APBB2: variants seen among roughly 807,000 people sequenced by gnomAD.
The protein encoded by APBB2 is amyloid beta precursor protein binding family B member 2.
Under a neutral mutation model 82.5 loss-of-function variants are expected in APBB2, and 38 were observed. The ratio of observed to expected loss-of-function variants is 0.46; its 90% confidence interval spans 0.36 to 0.60. APBB2 has a LOEUF of 0.60. Among genes scored for constraint, APBB2 ranks in the 20% least tolerant of loss-of-function variants. APBB2 has a pLI of 0.00. For synonymous variants in APBB2, 341 were observed against 368.2 expected (o/e 0.93, Z 0.85); for missense variants, 772 against 972.3 (o/e 0.79, Z 2.74).
chr4:41,187,025 G>A (rs1158555724), intron 1 of APBB2, among the ~76,000 whole-genome samples: 1 of 152,170 alleles, frequency 6.6e-6, no homozygotes, highest in Non-Finnish European at 1.5e-5. Flanking sequence ...TCATCAATAT[G>A]AGAATGCTAT....
At chr4:40,863,430 A>C (rs1763261178) in intron 12 of APBB2, among the ~76,000 whole-genome samples, 1 of 152,212 alleles carries the variant, frequency 6.6e-6, no homozygotes, top group African/African-American at 2.4e-5. Flanking sequence ...GTTCTGATTC[A>C]GTGGGTCTGG....
intron 6 of APBB2, among the ~76,000 whole-genome samples, chr4:40,978,151 G>T (rs1231297619): frequency 6.6e-6 from 1 of 152,232 alleles, no homozygotes; most frequent in Non-Finnish European, 1.5e-5. Context: ...AACTGTCAAA[G>T]ATGTGGTGCC....
Position 41,187,329 on chromosome 4 carries a change from T to C in APBB2, c.-417+27076A>G, listed in dbSNP as rs190130285. On this transcript the variant is annotated intron_variant, in intron 1 of 17. Transcript: ENST00000508593. ...CCTACTAAAAACCATGCCATTTTTA[T>C]AACATGAAAAAAGATAAGAGTCTTT... is the stretch of plus-strand genomic sequence containing the variant. 9.2e-5 allele frequency among the ~76,000 whole-genome samples: 14 copies of C among 152,272 alleles called. No individual in the cohort carries two copies. In the East Asian group the frequency reaches 2.7e-3, roughly 29 times the overall value.
chr4:41,002,803 T>C (rs1181194479), intron 6 of APBB2, among the ~76,000 whole-genome samples: 3 of 152,242 alleles, frequency 2.0e-5, no homozygotes, highest in Non-Finnish European at 4.4e-5. Flanking sequence ...TTCTTCAGTA[T>C]TGCTGTTTGT....
intron 1 of APBB2, among the ~76,000 whole-genome samples, chr4:41,159,372 C>T (rs1211390524): frequency 6.6e-6 from 1 of 152,106 alleles, no homozygotes; most frequent in African/African-American, 2.4e-5. Flanking sequence ...TTCTATGAAG[C>T]GCAAATAAGA....
intron 5 of APBB2, among the ~76,000 whole-genome samples, chr4:41,021,960 G>T (rs1711706789): frequency 6.6e-6 from 1 of 152,094 alleles, no homozygotes; most frequent in African/African-American, 2.4e-5. Context: ...CCTGAAGTCA[G>T]CGAGACCATG....
rs1745174036 is a variant in APBB2, at chr4:40,814,752, A to G, written c.*1340T>C. ...AATGTCAACGAGAGTCTAAATTTGT[A>G]TGTCTTTCCAGCTAAGTTTCTCACC... is the stretch of plus-strand genomic sequence containing the variant. On this transcript the variant is annotated 3_prime_UTR_variant, in exon 18 of 18. Coordinates refer to ENST00000508593, the MANE Select transcript of APBB2 (RefSeq NM_004307.2). 1.3e-5 allele frequency: 2 copies of G among 152,208 alleles called. No individual in the cohort carries two copies. The highest frequency in any genetic ancestry group is 2.9e-5 in the Non-Finnish European group (2 of 68,040). The allele number at this position is 152,208 out of a possible 1,614,324, so 9.4% of individuals were successfully genotyped here. A position where few individuals can be genotyped will look rare whatever the true frequency, so the allele number is the denominator to read the frequency against.
intron 12 of APBB2, among the ~76,000 whole-genome samples, chr4:40,840,945 G>A (rs1248217431): frequency 6.6e-6 from 1 of 152,134 alleles, no homozygotes; most frequent in Non-Finnish European, 1.5e-5. Context: ...TTTACATGAA[G>A]GAGCTCACAT....
At chr4:41,020,931 G>A (rs1198378443) in intron 5 of APBB2, among the ~76,000 whole-genome samples, 131 of 152,170 alleles carry the variant, frequency 8.6e-4, no homozygotes, top group Admixed American at 2.0e-4. Context: ...AAGAGATGCC[G>A]CCCAGCGTTT....
intron 6 of APBB2, among the ~76,000 whole-genome samples, chr4:40,990,675 G>A (rs1428116922): frequency 1.3e-5 from 2 of 152,186 alleles, no homozygotes; most frequent in Admixed American, 1.3e-4. Flanking sequence ...ATATGCCATT[G>A]CACAGGAAGT....
chr4:41,150,350 G>T (rs971786117), intron 1 of APBB2, among the ~76,000 whole-genome samples: 1 of 152,140 alleles, frequency 6.6e-6, no homozygotes, highest in Admixed American at 6.5e-5. Context: ...CTTAAGATTA[G>T]TAAAAGGCAT....
At chr4:40,918,742 T>C (rs369683010) in intron 10 of APBB2, among the ~76,000 whole-genome samples, 13 of 126,476 alleles carry the variant, frequency 1.0e-4, no homozygotes, top group African/African-American at 2.5e-4. Context: ...CCCTCCCTCC[T>C]TCCTTATTTT....
chr4:40,999,730 C>G (rs1804610668), intron 6 of APBB2, among the ~76,000 whole-genome samples: 1 of 152,288 alleles, frequency 6.6e-6, no homozygotes, highest in Non-Finnish European at 1.5e-5. Flanking sequence ...AGGGCATACT[C>G]CTGCATAGTT....
At chr4:41,196,548 C>A in intron 1 of APBB2, among the ~76,000 whole-genome samples, 3 of 151,624 alleles carry the variant, frequency 2.0e-5, no homozygotes, top group Non-Finnish European at 4.4e-5. Context: ...CCTCACTGCC[C>A]CACATCCAGT....
intron 12 of APBB2, chr4:40,880,867 CAG>C (rs1768274176): frequency 1.0e-6 from 1 of 984,736 alleles, no homozygotes; most frequent in Non-Finnish European, 1.2e-6. Context: ...TGCTTTGAGC[CAG>C]AGTTACCAAA....
In APBB2 at chr4:41,127,646, T is replaced by TA. The variant is rs1754763539; in HGVS notation, c.-261+15340dup. 6.6e-6 allele frequency among the ~76,000 whole-genome samples: 1 copy of TA among 152,136 alleles called. No homozygotes were observed. The highest frequency in any genetic ancestry group is 2.1e-4 in the South Asian group (1 of 4,822). On this transcript the variant is annotated intron_variant, in intron 2 of 17. Transcript: ENST00000508593. The surrounding 1 kb of genome is among the most constrained non-coding windows in gnomAD (Gnocchi z 4.8). ...TAATATCCAGAATCTAGGAGGAACT[T>TA]AAACAATTCAATAAGCAAAAAAACA...
intron 5 of APBB2, among the ~76,000 whole-genome samples, chr4:41,032,860 C>G (rs1029651124): frequency 7.6e-6 from 1 of 132,066 alleles, no homozygotes; most frequent in East Asian, 2.5e-4. Context: ...TCTCGACTCA[C>G]TGCAAGCTCC....
intron 6 of APBB2, among the ~76,000 whole-genome samples, chr4:40,952,109 C>T (rs1790342622): frequency 6.6e-6 from 1 of 150,476 alleles, no homozygotes; most frequent in Non-Finnish European, 1.5e-5. Flanking sequence ...TCACTTGAAC[C>T]CAGGAGGTGG....
intron 4 of APBB2, among the ~76,000 whole-genome samples, chr4:41,043,488 T>C (rs937764251): frequency 6.6e-6 from 1 of 152,242 alleles, no homozygotes; most frequent in African/African-American, 2.4e-5. Flanking sequence ...AAAGGCAGTA[T>C]GTATAGTGTC....
Sources: allele counts gnomAD v4.1 joint callset (sites outside exome capture counted in the v4.1 genomes callset), GRCh38; gene constraint gnomAD v4.1.1; non-coding constraint Gnocchi (gnomAD v3.1); transcripts MANE v1.5; gene names NCBI Gene and HGNC (gene_info 2026-07-23, HGNC 2026-07-21).